KLHL6: variants seen among roughly 807,000 people sequenced by gnomAD.
KLHL6 encodes kelch like family member 6, also known as kelch-like protein 6.
KLHL6 carries 41 observed loss-of-function variants against 58.6 expected under a neutral mutation model. The ratio of observed to expected loss-of-function variants is 0.70; its 90% CI spans 0.55 to 0.91. The LOEUF is 0.91. Among genes scored for constraint, KLHL6 ranks in the 40% least tolerant of loss-of-function variants. KLHL6 has a pLI of 0.00. For synonymous variants in KLHL6, 338 were observed against 322.7 expected (o/e 1.05, Z -0.51); for missense variants, 714 against 805.6 (o/e 0.89, Z 1.38).
chr3:183,538,019 T>C (rs1049342091), intron 1 of KLHL6, among the ~76,000 whole-genome samples: 1 of 152,140 alleles, frequency 6.6e-6, no homozygotes, highest in Non-Finnish European at 1.5e-5. Flanking sequence ...CAACTTGTCC[T>C]TCCTAGTCCC....
chr3:183,540,613 A>G (rs1220467610), intron 1 of KLHL6, among the ~76,000 whole-genome samples: 1 of 152,080 alleles, frequency 6.6e-6, no homozygotes, highest in Non-Finnish European at 1.5e-5. Flanking sequence ...TCTGTTGCCC[A>G]GGCTGGCCTC....
chr3:183,537,286 G>A (rs1577199734), intron 1 of KLHL6, among the ~76,000 whole-genome samples: 1 of 152,120 alleles, frequency 6.6e-6, no homozygotes, highest in South Asian at 2.1e-4. Context: ...CGAAAACCAA[G>A]AAAATCAGCA....
chr3:183,508,086 G>C lies in KLHL6; in HGVS notation c.882C>G (p.Ala294=). 6.2e-7 allele frequency: 1 copy of C among 1,614,050 alleles called. No individual in the cohort carries two copies. ...CPEVFPLLQE[A]RMYHLSGNEI... is the part of the protein sequence containing the mutation. ...CATTGCCAGAAAGGTGGTACATCCT[G>C]GCTTCCTGGAGCAGCGGGAAGACCT... is the stretch of plus-strand genomic sequence containing the variant. The change falls in exon 3 of 7, where the codon GCC becomes GCG. Residue 294 remains alanine (A), a synonymous_variant. Transcript: ENST00000341319.
Position 183,555,669 on chromosome 3 carries a change from G to C in KLHL6, c.-16C>G. On this transcript the variant is annotated 5_prime_UTR_variant, in exon 1 of 7. Coordinates refer to ENST00000341319, the MANE Select transcript of KLHL6 (RefSeq NM_130446.4). ...CCATCAACATCGAGACTGAAGGAGC[G>C]CCCAAGTGTCAGGCAGGCCCCATTG... is the stretch of plus-strand genomic sequence containing the variant. 1 of 1,562,992 alleles carries C rather than the reference G, an allele frequency of 6.4e-7. No homozygotes were observed.
At chr3:183,504,792 C>T (rs1398242544) in intron 3 of KLHL6, among the ~76,000 whole-genome samples, 8 of 152,014 alleles carry the variant, frequency 5.3e-5, no homozygotes, top group Non-Finnish European at 1.0e-4. Context: ...TTTCATCATC[C>T]GTATGATGAA....
intron 1 of KLHL6, among the ~76,000 whole-genome samples, chr3:183,539,303 C>T (rs777433543): frequency 2.6e-5 from 4 of 152,180 alleles, no homozygotes; most frequent in Non-Finnish European, 4.4e-5. Context: ...GGCTGCCTCC[C>T]GAATCAGGTG....
Position 183,528,187 on chromosome 3 carries a change from T to C in KLHL6, c.294-177A>G, listed in dbSNP as rs145700400. ...TACGCATTAGACATTTCATCAGTAC[T>C]TACCGAGCTGAACTGAACTGCCCTG... On this transcript the variant is annotated intron_variant, in intron 1 of 6. Coordinates refer to ENST00000341319, the MANE Select transcript of KLHL6 (RefSeq NM_130446.4). 1.5e-3 allele frequency among the ~76,000 whole-genome samples: 232 copies of C among 152,274 alleles called. 2 individuals carry two copies. The Middle Eastern group carries it at 0.031, about 20-fold the overall frequency.
At chr3:183,542,564 C>G (rs561389397) in intron 1 of KLHL6, among the ~76,000 whole-genome samples, 2 of 152,160 alleles carry the variant, frequency 1.3e-5, no homozygotes, top group Non-Finnish European at 2.9e-5. Context: ...TGCCAGGAAG[C>G]CTTCTCAGAC....
chr3:183,531,441 G>GTATTTTTTTTT lies in KLHL6; in HGVS notation c.294-3432_294-3431insAAAAAAAAATA, dbSNP rs1367673441. 2.9e-5 allele frequency among the ~76,000 whole-genome samples: 3 copies of GTATTTTTTTTT among 102,098 alleles called. 1 individual carries two copies. Among genetic ancestry groups the GTATTTTTTTTT allele is most frequent in the Non-Finnish European group, 6.5e-5 (3 of 45,834 alleles). 67.0% of individuals were successfully genotyped at this position (102,098 alleles called of 152,430 possible). On this transcript the variant is annotated intron_variant, in intron 1 of 6. Transcript: ENST00000341319. ...CCTTCTTTCTGTTCTTTTTTTGTCT[G>GTATTTTTTTTT]TGTTTTTTTTTTTTTTTTTTTTTTT...
chr3:183,536,526 TG>T (rs2108690102), intron 1 of KLHL6, among the ~76,000 whole-genome samples: 1 of 152,328 alleles, frequency 6.6e-6, no homozygotes, highest in South Asian at 2.1e-4. Context: ...GTCTGACCTC[TG>T]ATGCTCACTC....
At chr3:183,540,727 T>G (rs1442345960) in intron 1 of KLHL6, among the ~76,000 whole-genome samples, 1 of 152,182 alleles carries the variant, frequency 6.6e-6, no homozygotes, top group Non-Finnish European at 1.5e-5. Flanking sequence ...CCCTAAGCTC[T>G]CCTACCTGAG....
At chr3:183,517,854 G>A (rs367805865) in intron 2 of KLHL6, among the ~76,000 whole-genome samples, 6 of 152,220 alleles carry the variant, frequency 3.9e-5, no homozygotes, top group Admixed American at 2.6e-4. Flanking sequence ...ATTGCATCTC[G>A]GACATGATTG....
At chr3:183,547,254 ACTCACTGCTG>A in intron 1 of KLHL6, among the ~76,000 whole-genome samples, 1 of 152,176 alleles carries the variant, frequency 6.6e-6, no homozygotes, top group East Asian at 1.9e-4. Flanking sequence ...CTATTTGTAT[ACTCACTGCTG>A]AAGTACTAAT....
intron 1 of KLHL6, among the ~76,000 whole-genome samples, chr3:183,531,441 GTGTTTTT>G (rs1183597378): frequency 2.9e-5 from 3 of 102,100 alleles, no homozygotes; most frequent in Non-Finnish European, 4.4e-5. Flanking sequence ...TTTTTTGTCT[GTGTTTTT>G]TTTTTTTTTT....
intron 2 of KLHL6, among the ~76,000 whole-genome samples, chr3:183,515,621 A>T (rs1414292767): frequency 1.3e-5 from 2 of 152,144 alleles, no homozygotes; most frequent in African/African-American, 4.8e-5. Context: ...CATTCTTAAA[A>T]GCTACTTCTT....
At chr3:183,515,974 G>T (rs1345024607) in intron 2 of KLHL6, among the ~76,000 whole-genome samples, 1 of 152,234 alleles carries the variant, frequency 6.6e-6, no homozygotes, top group Non-Finnish European at 1.5e-5. Context: ...GAAGGTGTTA[G>T]AATTAGCATT....
intron 1 of KLHL6, among the ~76,000 whole-genome samples, chr3:183,553,337 T>C (rs529087590): frequency 6.6e-6 from 1 of 152,040 alleles, no homozygotes; most frequent in South Asian, 2.1e-4. Flanking sequence ...AAGCCCAAAT[T>C]CCCATTTAGG....
chr3:183,551,548 C>T (rs115837884), intron 1 of KLHL6, among the ~76,000 whole-genome samples: 3,564 of 152,234 alleles, frequency 0.023, 65 homozygotes, highest in Non-Finnish European at 0.036. Flanking sequence ...ACAAGGTTTT[C>T]GTGAACATAA....
Position 183,534,950 on chromosome 3 carries a change from A to ATATATATATT in KLHL6, c.294-6941_294-6940insAATATATATA, listed in dbSNP as rs1356557331. Among the ~76,000 whole-genome samples, 66 of 96,746 alleles carry ATATATATATT rather than the reference A, an allele frequency of 6.8e-4. 1 individual carries two copies. Among genetic ancestry groups the ATATATATATT allele is most frequent in the African/African-American group, 2.0e-3 (66 of 33,002 alleles). The allele number at this position is 96,746 out of a possible 152,430, so 63.5% of individuals were successfully genotyped here. On this transcript the variant is annotated intron_variant, in intron 1 of 6. Coordinates refer to ENST00000341319, the MANE Select transcript of KLHL6 (RefSeq NM_130446.4). ...TATATATACATATATATATATATAT[A>ATATATATATT]TTTTTTTTTTTTGAGACAGAGTCTC...
Sources: allele counts gnomAD v4.1 joint callset (sites outside exome capture counted in the v4.1 genomes callset), GRCh38; gene constraint gnomAD v4.1.1; transcripts MANE v1.5; gene names NCBI Gene and HGNC (gene_info 2026-07-23, HGNC 2026-07-21).